HES2: variants seen among roughly 807,000 people sequenced by gnomAD.
The protein encoded by HES2 is transcription factor HES-2.
A neutral mutation model predicts 11.9 loss-of-function variants in HES2; 11 were observed. The ratio of observed to expected loss-of-function variants is 0.92; its 90% CI spans 0.58 to 1.53. HES2 has a LOEUF of 1.53. HES2 is among the 40% of genes most tolerant of loss of function. The pLI is 0.00. For synonymous variants in HES2, 125 were observed against 122.8 expected, an observed-to-expected ratio of 1.02 and a Z score of -0.12; for missense variants, 260 against 253.8, an observed-to-expected ratio of 1.02 and a Z score of -0.16.
Position 6,418,784 on chromosome 1 carries a change from T to C in HES2, c.*89A>G. 1.6e-6 allele frequency: 2 copies of C among 1,216,266 alleles called. No individual in the cohort carries two copies. The highest frequency in any genetic ancestry group is 1.0e-6 in the Non-Finnish European group (1 of 968,512). The allele number at this position is 1,216,266 out of a possible 1,614,324, so 75.3% of individuals were successfully genotyped here. A position where few individuals can be genotyped will look rare whatever the true frequency, so the allele number is the denominator to read the frequency against. On this transcript the variant is annotated 3_prime_UTR_variant, in exon 4 of 4. Transcript: ENST00000377834. ...TGGGTACTGGGCTGGCCCCTAATGATGGGAACAGCAGCCGCCACCAAGAGC... is the reference window on the plus strand; with the variant it reads ...TGGGTACTGGGCTGGCCCCTAATGACGGGAACAGCAGCCGCCACCAAGAGC...
Position 6,418,604 on chromosome 1 carries a change from G to C in HES2, c.*269C>G, listed in dbSNP as rs531590895. The C allele has an allele frequency of 2.7e-6, 1 of 377,058 alleles. No individual in the cohort carries two copies. The highest frequency in any genetic ancestry group is 4.6e-5 in the Admixed American group (1 of 21,864). 23.4% of individuals were successfully genotyped at this position (377,058 alleles called of 1,614,324 possible). A position where few individuals can be genotyped will look rare whatever the true frequency, so the allele number is the denominator to read the frequency against. Reference sequence around the variant, plus strand: ...AACTATCTCCACCAGCTGGGATGGGGGGCTTCTTCTTCACCCTGCTGCCTC... The same window carrying C: ...AACTATCTCCACCAGCTGGGATGGGCGGCTTCTTCTTCACCCTGCTGCCTC... On this transcript the variant is annotated 3_prime_UTR_variant, in exon 4 of 4. Coordinates refer to ENST00000377834, the MANE Select transcript of HES2 (RefSeq NM_019089.5).
rs905738233 is a variant in HES2 at position 6,418,979 on chromosome 1, G to C, written c.416C>G (p.Pro139Arg). 7.4e-7 allele frequency: 1 copy of C among 1,352,082 alleles called. No homozygotes were observed. Among genetic ancestry groups the C allele is most frequent in the Non-Finnish European group, 9.4e-7 (1 of 1,061,846 alleles). 83.8% of individuals were successfully genotyped at this position (1,352,082 alleles called of 1,614,324 possible). The part of the protein sequence containing the change: ...DGGRAGDSSG[P>R]SAPAPAPASA... ...CGCGGGCGCTGGGGCGGGGGCAGAC[G>C]GGCCACTGGAATCCCCAGCGCGCCC... Residue 139 changes from proline to arginine, a missense_variant, in exon 4 of 4, where the codon CCG becomes CGG. By Grantham distance (103) the Pro-to-Arg change is moderately radical. Coordinates refer to ENST00000377834, the MANE Select transcript of HES2 (RefSeq NM_019089.5).
rs751569241 is a variant in HES2 at position 6,419,256 on chromosome 1, G to A, written c.226C>T (p.Pro76Ser). ...FLQELPASSWPTAAPLPCDSY... is the reference protein window; with the variant it reads ...FLQELPASSWSTAAPLPCDSY... ...GCTCACTCACGGGGCGCTGCCGTGG[G>A]CCATGAGGACGCAGGCAGCTCCTGC... Residue 76 changes from proline (P) to serine (S), a missense_variant, in exon 3 of 4, where the codon CCC becomes TCC. By Grantham distance (74) the Pro-to-Ser change is moderately conservative. Transcript: ENST00000377834. This position sits in a 1 kb window ranked among gnomAD's most constrained non-coding sequence, Gnocchi z 8.1. The A allele has an allele frequency of 6.2e-7, 1 of 1,609,838 alleles. No individual in the cohort carries two copies. Among genetic ancestry groups the A allele is most frequent in the Non-Finnish European group, 8.5e-7 (1 of 1,178,944 alleles).
At position 6,418,991 on chromosome 1, in the gene HES2, TC is replaced by T; in HGVS notation, c.403del (p.Asp135IlefsTer93). On this transcript the variant is annotated frameshift_variant, in exon 4 of 4. Transcript: ENST00000377834. LOFTEE classifies it low-confidence loss of function (END_TRUNC). ...SATLDGGRAG[D>X]SSGPSAPAPA... is the part of the protein sequence containing the mutation. ...GGCGGGGGCAGACGGGCCACTGGAA[TC>T]CCCAGCGCGCCCGCCGTCCAGGGTG... The T allele has an allele frequency of 7.3e-7, 1 of 1,365,056 alleles. No individual in the cohort carries two copies. The highest frequency in any genetic ancestry group is 1.8e-5 in the South Asian group (1 of 56,010). The allele number at this position is 1,365,056 out of a possible 1,614,324, so 84.6% of individuals were successfully genotyped here.
chr1:6,419,384 A>T lies in HES2; in HGVS notation c.142-44T>A, dbSNP rs761638643. ...AAGAGCGACAGAGAACCACCAAGACAGAACTTTGGCCGGCTACCGTGCGCA... is the reference window on the plus strand; with the variant it reads ...AAGAGCGACAGAGAACCACCAAGACTGAACTTTGGCCGGCTACCGTGCGCA... On this transcript the variant is annotated intron_variant, in intron 2 of 3. Coordinates refer to ENST00000377834, the MANE Select transcript of HES2 (RefSeq NM_019089.5). This position sits in a 1 kb window ranked among gnomAD's most constrained non-coding sequence, Gnocchi z 8.1. The T allele has an allele frequency of 5.7e-5, 88 of 1,539,118 alleles. No individual in the cohort carries two copies. The highest frequency in any genetic ancestry group is 7.5e-5 in the Non-Finnish European group (85 of 1,128,070).
Position 6,419,082 on chromosome 1 carries a change from G to GGCAGGCGGGCA in HES2, c.302_312dup (p.Arg105CysfsTer11). On this transcript the variant is annotated frameshift_variant, in exon 4 of 4. Transcript: ENST00000377834. LOFTEE classifies it low-confidence loss of function (END_TRUNC). The surrounding 1 kb of genome is among the most constrained non-coding windows in gnomAD (Gnocchi z 8.1). ...GCGCTCACGGCGGGCTCCAGGACAC[G>GGCAGGCGGGCA]GCAGGCGGGCAGCACGCGGGCCAGG... 1.3e-6 allele frequency: 2 copies of GGCAGGCGGGCA among 1,500,218 alleles called. No individual in the cohort carries two copies. Among genetic ancestry groups the GGCAGGCGGGCA allele is most frequent in the Non-Finnish European group, 1.8e-6 (2 of 1,133,190 alleles). The allele number at this position is 1,500,218 out of a possible 1,614,324, so 92.9% of individuals were successfully genotyped here. A position where few individuals can be genotyped will look rare whatever the true frequency, so the allele number is the denominator to read the frequency against.
Position 6,419,375 on chromosome 1 carries a change from C to T in HES2, c.142-35G>A, listed in dbSNP as rs1299920044. ...GCCACGAGGAAGAGCGACAGAGAACCACCAAGACAGAACTTTGGCCGGCTA... is the reference window on the plus strand; with the variant it reads ...GCCACGAGGAAGAGCGACAGAGAACTACCAAGACAGAACTTTGGCCGGCTA... On this transcript the variant is annotated intron_variant, in intron 2 of 3. Transcript: ENST00000377834. The surrounding 1 kb of genome is among the most constrained non-coding windows in gnomAD (Gnocchi z 8.1). The T allele has an allele frequency of 1.9e-6, 3 of 1,564,164 alleles. 1 individual carries two copies. The South Asian group carries it at 3.4e-5, about 18-fold the overall frequency.
chr1:6,416,183 A>G lies in HES2; in HGVS notation c.*2690T>C, dbSNP rs1642848116. 6.6e-6 allele frequency: 1 copy of G among 152,242 alleles called. No homozygotes were observed. The highest frequency in any genetic ancestry group is 1.9e-4 in the East Asian group (1 of 5,198). The allele number at this position is 152,242 out of a possible 1,614,324, so 9.4% of individuals were successfully genotyped here. A position where few individuals can be genotyped will look rare whatever the true frequency, so the allele number is the denominator to read the frequency against. On this transcript the variant is annotated 3_prime_UTR_variant, in exon 4 of 4. Transcript: ENST00000377834. Reference sequence around the variant, plus strand: ...CAGAACCATCTTGCAACAGCATCCCAAGACCTGGCCATTGGGCAGGATGTG... The same window carrying G: ...CAGAACCATCTTGCAACAGCATCCCGAGACCTGGCCATTGGGCAGGATGTG...
rs1475211833 is a variant in HES2, at chr1:6,419,429, C to G, written c.142-89G>C. 5.4e-6 allele frequency: 7 copies of G among 1,284,924 alleles called. No individual in the cohort carries two copies. The East Asian group carries it at 1.8e-4, about 33-fold the overall frequency. The allele number at this position is 1,284,924 out of a possible 1,614,324, so 79.6% of individuals were successfully genotyped here. A position where few individuals can be genotyped will look rare whatever the true frequency, so the allele number is the denominator to read the frequency against. On this transcript the variant is annotated intron_variant, in intron 2 of 3. Transcript: ENST00000377834. This position sits in a 1 kb window ranked among gnomAD's most constrained non-coding sequence, Gnocchi z 8.1. ...TGCGCACCCTCGCTCTAGTCGGGAG[C>G]TGGGTGTGGGGCGCGCCGTGGCCTG...
rs1223175843 is a variant in HES2, at chr1:6,418,704, C to G, written c.*169G>C. The G allele has an allele frequency of 8.6e-6, 5 of 583,758 alleles. No homozygotes were observed. The East Asian group carries it at 1.7e-4, about 20-fold the overall frequency. 36.2% of individuals were successfully genotyped at this position (583,758 alleles called of 1,614,324 possible). A position where few individuals can be genotyped will look rare whatever the true frequency, so the allele number is the denominator to read the frequency against. ...TTATTCCCTGAGCCGAGCCCCAGCC[C>G]CAGGGCTTTCAGTCTGCCACGCCAG... On this transcript the variant is annotated 3_prime_UTR_variant, in exon 4 of 4. Transcript: ENST00000377834.
chr1:6,419,227 G>A lies in HES2; in HGVS notation c.241+14C>T, dbSNP rs553903576. 78 of 1,605,172 alleles carry A rather than the reference G, an allele frequency of 4.9e-5. No individual in the cohort carries two copies. In the South Asian group the frequency reaches 6.8e-4, roughly 14 times the overall value. On this transcript the variant is annotated intron_variant, in intron 3 of 3. Coordinates refer to ENST00000377834, the MANE Select transcript of HES2 (RefSeq NM_019089.5). The surrounding 1 kb of genome is among the most constrained non-coding windows in gnomAD (Gnocchi z 8.1). ...GGTGCAGAGCGCGCGGCAGGGCAGG[G>A]AGGGCTCACTCACGGGGCGCTGCCG...
chr1:6,417,309 C>A lies in HES2; in HGVS notation c.*1564G>T, dbSNP rs1642862423. 6.6e-6 allele frequency: 1 copy of A among 152,150 alleles called. No individual in the cohort carries two copies. The allele number at this position is 152,150 out of a possible 1,614,324, so 9.4% of individuals were successfully genotyped here. A position where few individuals can be genotyped will look rare whatever the true frequency, so the allele number is the denominator to read the frequency against. On this transcript the variant is annotated 3_prime_UTR_variant, in exon 4 of 4. Transcript: ENST00000377834. Reference sequence around the variant, plus strand: ...GTGTGGCACAGTCAGATTTAGTGACCATCCCCACTCCCACATTGGTTCTGT... The same window carrying A: ...GTGTGGCACAGTCAGATTTAGTGACAATCCCCACTCCCACATTGGTTCTGT...
chr1:6,419,733 G>T lies in HES2; in HGVS notation c.46-31C>A. On this transcript the variant is annotated intron_variant, in intron 1 of 3. Coordinates refer to ENST00000377834, the MANE Select transcript of HES2 (RefSeq NM_019089.5). The surrounding 1 kb of genome is among the most constrained non-coding windows in gnomAD (Gnocchi z 8.1). ...GACGGGCGGCGCGGTGGTTAGACGG[G>T]TCCCCGGAGTCCCCAGCCCCGCCCC... 1.3e-6 allele frequency: 2 copies of T among 1,550,368 alleles called. No individual in the cohort carries two copies. The highest frequency in any genetic ancestry group is 1.4e-5 in the African/African-American group (1 of 72,514).
rs1320368032 is a variant in HES2 at position 6,418,039 on chromosome 1, C to T, written c.*834G>A. 6.6e-6 allele frequency: 1 copy of T among 152,292 alleles called. No homozygotes were observed. The highest frequency in any genetic ancestry group is 1.5e-5 in the Non-Finnish European group (1 of 68,092). The allele number at this position is 152,292 out of a possible 1,614,324, so 9.4% of individuals were successfully genotyped here. A position where few individuals can be genotyped will look rare whatever the true frequency, so the allele number is the denominator to read the frequency against. The stretch of plus-strand genomic sequence containing the variant: ...TGCTCCATGGCAGGGGCCCTGCTCA[C>T]CCCACATTGGCACAGACTCTGCTGG... On this transcript the variant is annotated 3_prime_UTR_variant, in exon 4 of 4. Coordinates refer to ENST00000377834, the MANE Select transcript of HES2 (RefSeq NM_019089.5).
At position 6,419,108 on chromosome 1, in the gene HES2, C is replaced by T; in HGVS notation, c.287G>A (p.Arg96His). 3 of 1,508,386 alleles carry T rather than the reference C, an allele frequency of 2.0e-6. No individual in the cohort carries two copies. The highest frequency in any genetic ancestry group is 5.3e-5 in the East Asian group (2 of 37,582). 93.4% of individuals were successfully genotyped at this position (1,508,386 alleles called of 1,614,324 possible). A position where few individuals can be genotyped will look rare whatever the true frequency, so the allele number is the denominator to read the frequency against. Residue 96 changes from arginine (R) to histidine (H), a missense_variant, in exon 4 of 4, where the codon CGC (arginine) becomes CAC (histidine). Physicochemically the swap from Arg to His is conservative, Grantham distance 29. Transcript: ENST00000377834. The surrounding 1 kb of genome is among the most constrained non-coding windows in gnomAD (Gnocchi z 8.1). ...GCAGGCGGGCAGCACGCGGGCCAGG[C>T]GCGCCACACAGGCGCTGTAGCCCTC... ...YREGYSACVA[R>H]LARVLPACRV...
rs1324092047 is a variant in HES2 at position 6,419,425 on chromosome 1, G to A, written c.142-85C>T. On this transcript the variant is annotated intron_variant, in intron 2 of 3. Transcript: ENST00000377834. This position sits in a 1 kb window ranked among gnomAD's most constrained non-coding sequence, Gnocchi z 8.1. ...ACCGTGCGCACCCTCGCTCTAGTCG[G>A]GAGCTGGGTGTGGGGCGCGCCGTGG... The A allele has an allele frequency of 1.5e-6, 2 of 1,298,548 alleles. No individual in the cohort carries two copies. Among genetic ancestry groups the A allele is most frequent in the Non-Finnish European group, 2.1e-6 (2 of 939,004 alleles). 80.4% of individuals were successfully genotyped at this position (1,298,548 alleles called of 1,614,324 possible).
rs767846365 is a variant in HES2 at position 6,419,663 on chromosome 1, TGC to T, written c.83_84del (p.Arg28HisfsTer9). 6 of 1,555,318 alleles carry T rather than the reference TGC, an allele frequency of 3.9e-6. No individual in the cohort carries two copies. Among genetic ancestry groups the T allele is most frequent in the Admixed American group, 1.9e-5 (1 of 52,632 alleles). On this transcript the variant is annotated frameshift_variant, in exon 2 of 4. Transcript: ENST00000377834. LOFTEE classifies it high-confidence loss of function. The surrounding 1 kb of genome is among the most constrained non-coding windows in gnomAD (Gnocchi z 8.1). ...KPLLEKRRRA[R>X]INQSLSQLKG... Reference sequence around the variant, plus strand: ...TTAAGCTGGCTCAGGCTCTGGTTGATGCGCGCGCGCCGGCGCTTCTCCAGCAG... The same window carrying T: ...TTAAGCTGGCTCAGGCTCTGGTTGATGCGCGCGCCGGCGCTTCTCCAGCAG...
chr1:6,419,101 G>A lies in HES2; in HGVS notation c.294C>T (p.Ala98=). ...EGYSACVARL[A]RVLPACRVLE... is the part of the protein sequence containing the mutation. ...GGACACGGCAGGCGGGCAGCACGCG[G>A]GCCAGGCGCGCCACACAGGCGCTGT... is the stretch of plus-strand genomic sequence containing the variant. The change falls in exon 4 of 4, where the codon GCC becomes GCT. Residue 98 remains alanine (A), a synonymous_variant. Transcript: ENST00000377834. The surrounding 1 kb of genome is among the most constrained non-coding windows in gnomAD (Gnocchi z 8.1). The A allele has an allele frequency of 6.6e-7, 1 of 1,506,100 alleles. No individual in the cohort carries two copies. The highest frequency in any genetic ancestry group is 2.1e-5 in the Admixed American group (1 of 47,964). 93.3% of individuals were successfully genotyped at this position (1,506,100 alleles called of 1,614,324 possible).
At position 6,418,832 on chromosome 1, in the gene HES2, G is replaced by C. The variant is rs1482070767; in HGVS notation, c.*41C>G. ...AGCTTCAACCTGTCCAGTGCCCCAA[G>C]GTCCCAAGCAGTCGGCAGGGTCTGT... On this transcript the variant is annotated 3_prime_UTR_variant, in exon 4 of 4. Transcript: ENST00000377834. The C allele has an allele frequency of 7.0e-6, 9 of 1,288,980 alleles. No individual in the cohort carries two copies. Among genetic ancestry groups the C allele is most frequent in the Non-Finnish European group, 8.8e-6 (9 of 1,024,160 alleles). 79.8% of individuals were successfully genotyped at this position (1,288,980 alleles called of 1,614,324 possible). A position where few individuals can be genotyped will look rare whatever the true frequency, so the allele number is the denominator to read the frequency against.
Sources: allele counts gnomAD v4.1 joint callset, GRCh38; gene constraint gnomAD v4.1.1; non-coding constraint Gnocchi (gnomAD v3.1); transcripts MANE v1.5; gene names NCBI Gene and HGNC (gene_info 2026-07-23, HGNC 2026-07-21).